CDK14: variants seen among roughly 807,000 people sequenced by gnomAD.
The protein encoded by CDK14 is cyclin-dependent kinase 14.
CDK14 carries 34 observed loss-of-function variants against 60.7 expected under a neutral mutation model. The ratio of observed to expected loss-of-function variants is 0.56; its 90% CI spans 0.43 to 0.75. CDK14 has a LOEUF of 0.75. CDK14 is among the 30% of genes least tolerant of loss of function. The probability of loss-of-function intolerance (pLI) is 0.00; values close to 1 mark genes in which losing one functional copy is unlikely to be tolerated. For synonymous variants in CDK14, 197 were observed against 203.7 expected (o/e 0.97, Z 0.28); for missense variants, 482 against 564.1 (o/e 0.85, Z 1.47).
chr7:90,740,235 G>A (rs949728226), intron 3 of CDK14, among the ~76,000 whole-genome samples: 3 of 142,898 alleles, frequency 2.1e-5, no homozygotes, highest in Middle Eastern at 3.5e-3. Context: ...ACATATATAT[G>A]TGTATGTATG....
At chr7:90,913,599 G>A (rs777494097) in intron 7 of CDK14, among the ~76,000 whole-genome samples, 1 of 152,184 alleles carries the variant, frequency 6.6e-6, no homozygotes, top group African/African-American at 2.4e-5. Flanking sequence ...GCTTTTAGGG[G>A]TGTGGTAAAT....
Position 91,144,781 on chromosome 7 carries a change from T to C in CDK14, c.*28+26573T>C, listed in dbSNP as rs568014643. Among the ~76,000 whole-genome samples, 24 of 151,640 alleles carry C rather than the reference T, an allele frequency of 1.6e-4. No individual in the cohort carries two copies. In the East Asian group the frequency reaches 4.5e-3, roughly 28 times the overall value. ...GTAGATATTGGCGGGCTTGGAAAAA[T>C]TGTTAAAAACAATGTGAAGAATCAA... On this transcript the variant is annotated intron_variant, in intron 14 of 14. Coordinates refer to ENST00000380050, the MANE Select transcript of CDK14 (RefSeq NM_001287135.2).
At chr7:90,782,157 G>A (rs1009763144) in intron 4 of CDK14, among the ~76,000 whole-genome samples, 34 of 152,036 alleles carry the variant, frequency 2.2e-4, no homozygotes, top group South Asian at 1.9e-3. Flanking sequence ...GGATTCCTAG[G>A]TATTTTATTC....
rs1004128493 is a variant in CDK14, at chr7:90,711,080, T to TA, written c.124-15480dup. Among the ~76,000 whole-genome samples, 57 of 152,010 alleles carry TA rather than the reference T, an allele frequency of 3.7e-4. 1 individual carries two copies. Among genetic ancestry groups the TA allele is most frequent in the Non-Finnish European group, 8.8e-5 (6 of 67,954 alleles). ...TATGTAAAATGTAGATGGTGAATGT[T>TA]AAAAAAATCAGTAGCTTGCATGTTG... On this transcript the variant is annotated intron_variant, in intron 2 of 14. Transcript: ENST00000380050.
intron 14 of CDK14, among the ~76,000 whole-genome samples, chr7:91,127,406 G>A (rs78208311): frequency 0.032 from 4,825 of 152,244 alleles, 122 homozygotes; most frequent in Non-Finnish European, 0.051. Context: ...GGCAACTTCA[G>A]AAAATAAGAG....
intron 5 of CDK14, among the ~76,000 whole-genome samples, chr7:90,818,734 G>A (rs559516550): frequency 4.6e-5 from 7 of 152,132 alleles, no homozygotes; most frequent in African/African-American, 9.6e-5. Flanking sequence ...AAAATTACTG[G>A]CATTGAATTT....
intron 2 of CDK14, among the ~76,000 whole-genome samples, chr7:90,653,115 A>T (rs368488678): frequency 6.6e-6 from 1 of 151,990 alleles, no homozygotes; most frequent in Admixed American, 6.6e-5. Context: ...TGTTGGGTGT[A>T]TATAATTTTG....
At chr7:90,794,343 A>G (rs1369868766) in intron 5 of CDK14, among the ~76,000 whole-genome samples, 1 of 152,176 alleles carries the variant, frequency 6.6e-6, no homozygotes, top group Non-Finnish European at 1.5e-5. Flanking sequence ...GGAGCAGACA[A>G]CCGGTCTGAC....
chr7:91,141,926 C>T (rs944913269), intron 14 of CDK14, among the ~76,000 whole-genome samples: 4 of 151,956 alleles, frequency 2.6e-5, no homozygotes, highest in Admixed American at 6.6e-5. Context: ...CCTGGGTTCA[C>T]GCCATTCTTC....
At chr7:90,997,752 T>A (rs1003544735) in intron 10 of CDK14, among the ~76,000 whole-genome samples, 1 of 152,228 alleles carries the variant, frequency 6.6e-6, no homozygotes, top group African/African-American at 2.4e-5. Flanking sequence ...TAAAATGAAA[T>A]ACTGCTTATC....
chr7:90,755,871 CATG>C (rs993892566), intron 4 of CDK14, among the ~76,000 whole-genome samples: 2 of 152,132 alleles, frequency 1.3e-5, no homozygotes, highest in African/African-American at 2.4e-5. Context: ...GTGTCAATAA[CATG>C]ATAACTACCC....
chr7:90,693,772 G>T (rs1309457059), intron 2 of CDK14, among the ~76,000 whole-genome samples: 1 of 152,160 alleles, frequency 6.6e-6, no homozygotes, highest in African/African-American at 2.4e-5. Flanking sequence ...TTCATTCATC[G>T]TAATGATCCT....
At chr7:91,139,875 C>T (rs1284527751) in intron 14 of CDK14, among the ~76,000 whole-genome samples, 1 of 146,576 alleles carries the variant, frequency 6.8e-6, no homozygotes, top group Non-Finnish European at 1.5e-5. Flanking sequence ...CCCTCTTTCT[C>T]TGTCACCTTT....
At chr7:90,825,655 T>C (rs951830349) in intron 5 of CDK14, among the ~76,000 whole-genome samples, 1 of 152,208 alleles carries the variant, frequency 6.6e-6, no homozygotes, top group Non-Finnish European at 1.5e-5. Context: ...TGGCATGTTA[T>C]GCAAATTATA....
rs746876558 is a variant in CDK14, at chr7:90,863,190, G to T, written c.560G>T (p.Gly187Val). The T allele has an allele frequency of 1.2e-6, 2 of 1,601,336 alleles. No individual in the cohort carries two copies. Among genetic ancestry groups the T allele is most frequent in the African/African-American group, 1.3e-5 (1 of 74,482 alleles). ...TAIREASLLK[G>V]LKHANIVLLH... ...TGTTTTACAGCTTCTCTTTTAAAAG[G>T]ACTAAAACATGCTAACATAGTGCTA... The change falls in exon 6 of 15, where the codon GGA becomes GTA. Residue 187 changes from glycine (G) to valine (V), a missense_variant. By Grantham distance (109) the Gly-to-Val change is moderately radical. Coordinates refer to ENST00000380050, the MANE Select transcript of CDK14 (RefSeq NM_001287135.2).
intron 10 of CDK14, among the ~76,000 whole-genome samples, chr7:91,009,117 T>C (rs1001008459): frequency 1.3e-5 from 2 of 152,190 alleles, no homozygotes; most frequent in African/African-American, 2.4e-5. Flanking sequence ...ACATAAGTTA[T>C]CTACTTTTGA....
chr7:90,943,777 T>A (rs1318399807), intron 8 of CDK14, among the ~76,000 whole-genome samples: 2 of 152,102 alleles, frequency 1.3e-5, no homozygotes, highest in African/African-American at 4.8e-5. Context: ...CAAGGATAGG[T>A]TTTCTATTGA....
chr7:91,084,432 C>T (rs1329876348), intron 12 of CDK14, among the ~76,000 whole-genome samples: 1 of 152,176 alleles, frequency 6.6e-6, no homozygotes, highest in Non-Finnish European at 1.5e-5. Context: ...CTGGGTAATG[C>T]ACCATGGGAA....
intron 6 of CDK14, among the ~76,000 whole-genome samples, chr7:90,878,087 TGTGTGTGA>T (rs1791621793): frequency 6.6e-6 from 1 of 151,280 alleles, no homozygotes; most frequent in African/African-American, 2.4e-5. Context: ...TGTGTGTGTG[TGTGTGTGA>T]GAGAGAGAGA....
Sources: allele counts gnomAD v4.1 joint callset (sites outside exome capture counted in the v4.1 genomes callset), GRCh38; gene constraint gnomAD v4.1.1; transcripts MANE v1.5; gene names NCBI Gene and HGNC (gene_info 2026-07-23, HGNC 2026-07-21).